The following PXK variants were observed in gnomAD, a reference collection of about 807,000 sequenced individuals.
PXK encodes the protein PX domain-containing protein kinase-like protein.
In PXK, 35 loss-of-function variants were observed where a neutral mutation model predicts 84.7. That is an observed-to-expected ratio of 0.41 (90% confidence interval 0.32 to 0.55). PXK has a LOEUF of 0.55. Ranked by LOEUF, PXK falls within the 20% of genes least tolerant of loss-of-function variation. The probability of loss-of-function intolerance (pLI) is 0.21; values close to 1 mark genes in which losing one functional copy is unlikely to be tolerated. For synonymous variants in PXK, 253 were observed against 260.8 expected (o/e 0.97, Z 0.29); for missense variants, 634 against 699.7 (o/e 0.91, Z 1.06).
Position 58,409,480 on chromosome 3 carries a change from A to G in PXK, c.1309-52A>G. 1.3e-6 allele frequency: 2 copies of G among 1,506,798 alleles called. No individual in the cohort carries two copies. Among genetic ancestry groups the G allele is most frequent in the Non-Finnish European group, 9.1e-7 (1 of 1,097,014 alleles). 93.3% of individuals were successfully genotyped at this position (1,506,798 alleles called of 1,614,324 possible). Reference sequence around the variant, plus strand: ...CCAAAACATGTTGGAGAAGATTTTCATTAGGAAGCTGCCTTATGTGGGATA... The same window carrying G: ...CCAAAACATGTTGGAGAAGATTTTCGTTAGGAAGCTGCCTTATGTGGGATA... On this transcript the variant is annotated intron_variant, in intron 14 of 17. Coordinates refer to ENST00000356151, the MANE Select transcript of PXK (RefSeq NM_017771.5). This position sits in a 1 kb window ranked among gnomAD's most constrained non-coding sequence, Gnocchi z 4.2.
At chr3:58,417,420 C>G (rs2061152729) in intron 17 of PXK, among the ~76,000 whole-genome samples, 1 of 152,122 alleles carries the variant, frequency 6.6e-6, no homozygotes, top group African/African-American at 2.4e-5. Context: ...GGGGTCTTAC[C>G]CTTATGAGCC....
rs1313073180 is a variant in PXK at position 58,421,448 on chromosome 3, C to G, written c.1529-3304C>G. On this transcript the variant is annotated intron_variant, in intron 17 of 17. Coordinates refer to ENST00000356151, the MANE Select transcript of PXK (RefSeq NM_017771.5). The surrounding 1 kb of genome is among the most constrained non-coding windows in gnomAD (Gnocchi z 5.5). ...ATACAAAAATTAGGTGGGCATGGTACCACGCGCCTGTAATCCCAGCTACTC... is the reference window on the plus strand; with the variant it reads ...ATACAAAAATTAGGTGGGCATGGTAGCACGCGCCTGTAATCCCAGCTACTC... 1 of 768,592 alleles carries G rather than the reference C, an allele frequency of 1.3e-6. No individual in the cohort carries two copies. 47.6% of individuals were successfully genotyped at this position (768,592 alleles called of 1,614,324 possible).
rs1480723682 is a variant in PXK at position 58,425,830 on chromosome 3, T to C, written c.*870T>C. On this transcript the variant is annotated 3_prime_UTR_variant, in exon 18 of 18. Coordinates refer to ENST00000356151, the MANE Select transcript of PXK (RefSeq NM_017771.5). ...TATAGCATCTCTTTAATGTTAGTCA[T>C]TTATTAGAAAGATCCTTTATCCTGA... 1.3e-5 allele frequency: 2 copies of C among 152,204 alleles called. No homozygotes were observed. Among genetic ancestry groups the C allele is most frequent in the Admixed American group, 6.5e-5 (1 of 15,274 alleles). The allele number at this position is 152,204 out of a possible 1,614,324, so 9.4% of individuals were successfully genotyped here. A position where few individuals can be genotyped will look rare whatever the true frequency, so the allele number is the denominator to read the frequency against.
In PXK at chr3:58,426,024, C is replaced by T. The variant is rs1317617235; in HGVS notation, c.*1064C>T. ...TTTTATTAAAATCATGTCAAGAAAA[C>T]GTGTTGTCTGTAGCTTGACAAGATA... On this transcript the variant is annotated 3_prime_UTR_variant, in exon 18 of 18. Transcript: ENST00000356151. The T allele has an allele frequency of 6.6e-6, 1 of 152,118 alleles. No homozygotes were observed. The allele number at this position is 152,118 out of a possible 1,614,324, so 9.4% of individuals were successfully genotyped here. A position where few individuals can be genotyped will look rare whatever the true frequency, so the allele number is the denominator to read the frequency against.
chr3:58,392,996 A>G (rs913670431), intron 7 of PXK, among the ~76,000 whole-genome samples: 20 of 152,294 alleles, frequency 1.3e-4, no homozygotes, highest in Middle Eastern at 3.4e-3. Context: ...CTTTAAAAAA[A>G]GAAGCACATA....
rs73835200 is a variant in PXK, at chr3:58,387,680, C to G, written c.389-2902C>G. Among the ~76,000 whole-genome samples, 957 of 152,248 alleles carry G rather than the reference C, an allele frequency of 6.3e-3. 9 individuals carry two copies. The highest frequency in any genetic ancestry group is 0.022 in the African/African-American group (917 of 41,536). On this transcript the variant is annotated intron_variant, in intron 4 of 17. Coordinates refer to ENST00000356151, the MANE Select transcript of PXK (RefSeq NM_017771.5). ...AGCAGCTTGAGAAGATATATCCTGG[C>G]TTTACCCTTCCAGCCAGAGCATACA...
At chr3:58,386,139 G>A (rs1344850002) in intron 4 of PXK, among the ~76,000 whole-genome samples, 7 of 152,164 alleles carry the variant, frequency 4.6e-5, no homozygotes, top group African/African-American at 1.7e-4. Flanking sequence ...GAAAGGAAAT[G>A]TAGACCCTTG....
chr3:58,342,515 G>A (rs1408839631), intron 1 of PXK, among the ~76,000 whole-genome samples: 1 of 151,580 alleles, frequency 6.6e-6, no homozygotes, highest in Non-Finnish European at 1.5e-5. Flanking sequence ...CATGCCTGTA[G>A]TCCCTGCTCC....
intron 8 of PXK, 131 bp downstream of exon 8, chr3:58,395,233 T>A: frequency 1.6e-6 from 1 of 610,720 alleles, no homozygotes; most frequent in Non-Finnish European, 2.7e-6. Context: ...ATTTGGAATT[T>A]ATTTTTATTC....
In PXK at chr3:58,379,941, T is replaced by G. The variant is rs890918483; in HGVS notation, c.202-2573T>G. On this transcript the variant is annotated intron_variant, in intron 3 of 17. Transcript: ENST00000356151. This position sits in a 1 kb window ranked among gnomAD's most constrained non-coding sequence, Gnocchi z 5.1. ...GAGCGGTGATCATGCCACTGCACTT[T>G]AGCCTGGGTGACAGGGTGAGAACCT... Among the ~76,000 whole-genome samples, 2 of 151,820 alleles carry G rather than the reference T, an allele frequency of 1.3e-5. No homozygotes were observed. The highest frequency in any genetic ancestry group is 2.9e-5 in the Non-Finnish European group (2 of 67,950).
chr3:58,336,038 CATAT>C lies in PXK; in HGVS notation c.102+2979_102+2982del, dbSNP rs1168755178. ...ATCAAGTTTGTTTAACCTTGGGAAA[CATAT>C]ATATATATATATATATATATATATA... On this transcript the variant is annotated intron_variant, in intron 1 of 17. Coordinates refer to ENST00000356151, the MANE Select transcript of PXK (RefSeq NM_017771.5). Among the ~76,000 whole-genome samples, 64 of 43,152 alleles carry C rather than the reference CATAT, an allele frequency of 1.5e-3. 2 individuals are homozygous for C. The highest frequency in any genetic ancestry group is 4.4e-3 in the South Asian group (3 of 680). 28.3% of individuals were successfully genotyped at this position (43,152 alleles called of 152,430 possible). A position where few individuals can be genotyped will look rare whatever the true frequency, so the allele number is the denominator to read the frequency against.
chr3:58,373,476 T>C (rs368710569), intron 3 of PXK, among the ~76,000 whole-genome samples: 10 of 152,282 alleles, frequency 6.6e-5, no homozygotes, highest in African/African-American at 2.4e-4. Context: ...GTTTTGTAAT[T>C]AGAATTTTAC....
intron 1 of PXK, among the ~76,000 whole-genome samples, chr3:58,344,444 T>G (rs1559862671): frequency 1.3e-5 from 2 of 152,102 alleles, no homozygotes; most frequent in Non-Finnish European, 2.9e-5. Context: ...GAGTAACACG[T>G]TTTGACAGCC....
At chr3:58,404,230 A>C (rs1014819049) in intron 13 of PXK, among the ~76,000 whole-genome samples, 1 of 152,220 alleles carries the variant, frequency 6.6e-6, no homozygotes, top group African/African-American at 2.4e-5. Context: ...CCTGGGAAGC[A>C]GTGGTGTTAT....
At chr3:58,367,671 AT>A (rs1429916162) in intron 2 of PXK, among the ~76,000 whole-genome samples, 11 of 152,078 alleles carry the variant, frequency 7.2e-5, no homozygotes, top group Middle Eastern at 3.4e-3. Context: ...TGAACAAACA[AT>A]TTCTTTATGT....
At chr3:58,355,559 A>G (rs377727985) in intron 1 of PXK, among the ~76,000 whole-genome samples, 30 of 152,240 alleles carry the variant, frequency 2.0e-4, no homozygotes, top group African/African-American at 6.8e-4. Context: ...TTTTCCTAAA[A>G]TTTCACCAAA....
chr3:58,374,699 G>A (rs2098423277), intron 3 of PXK, among the ~76,000 whole-genome samples: 1 of 152,116 alleles, frequency 6.6e-6, no homozygotes, highest in Non-Finnish European at 1.5e-5. Context: ...TCCATGTGTA[G>A]TATTTTTTTC....
chr3:58,335,705 A>G (rs1022650789), intron 1 of PXK, among the ~76,000 whole-genome samples: 5 of 152,072 alleles, frequency 3.3e-5, no homozygotes, highest in African/African-American at 1.2e-4. Context: ...TTGGGGTTGG[A>G]AGAGGCAAGA....
intron 4 of PXK, among the ~76,000 whole-genome samples, chr3:58,388,661 GGTC>G (rs2098590936): frequency 1.6e-5 from 1 of 62,176 alleles, no homozygotes; most frequent in Non-Finnish European, 3.9e-5. Flanking sequence ...TTTTGTATTT[GGTC>G]ATCACATATC....
Sources: allele counts gnomAD v4.1 joint callset (sites outside exome capture counted in the v4.1 genomes callset), GRCh38; gene constraint gnomAD v4.1.1; non-coding constraint Gnocchi (gnomAD v3.1); transcripts MANE v1.5; gene names NCBI Gene and HGNC (gene_info 2026-07-23, HGNC 2026-07-21).